The following RGPD3 variants were observed in gnomAD, a reference collection of about 807,000 sequenced individuals.
RGPD3 encodes the protein RANBP2 like and GRIP domain containing 3.
RGPD3 carries 62 observed loss-of-function variants against 154.5 expected under a neutral mutation model. That is an observed-to-expected ratio of 0.40 (90% confidence interval 0.33 to 0.50). RGPD3 has a LOEUF of 0.50. Ranked by LOEUF, RGPD3 falls within the 20% of genes least tolerant of loss-of-function variation. The pLI is 0.59. For synonymous variants in RGPD3, 308 were observed against 607.0 expected (o/e 0.51, Z 7.24); for missense variants, 919 against 1,716.8 (o/e 0.54, Z 8.21).
intron 22 of RGPD3, among the ~76,000 whole-genome samples, chr2:106,409,871 C>CT (rs57602292): frequency 0.21 from 19,820 of 94,386 alleles, 2,788 homozygotes; most frequent in African/African-American, 0.32. Context: ...TTGTAGTTTA[C>CT]TTTTTTTTTT....
At chr2:106,465,998 A>T (rs1356240569) in intron 1 of RGPD3, among the ~76,000 whole-genome samples, 1 of 151,726 alleles carries the variant, frequency 6.6e-6, no homozygotes, top group Non-Finnish European at 1.5e-5. Context: ...CAGGCCAAGG[A>T]GGTATGACCT....
chr2:106,441,577 G>A lies in RGPD3; in HGVS notation c.979-197C>T, dbSNP rs532731533. 2.0e-4 allele frequency among the ~76,000 whole-genome samples: 31 copies of A among 151,712 alleles called. No individual in the cohort carries two copies. In the East Asian group the frequency reaches 2.9e-3, roughly 14 times the overall value. ...TATGAAAGATAGGCCAGGTACAGGC[G>A]TGGTGGCTCACACCTGTAATCCCAA... On this transcript the variant is annotated intron_variant, in intron 7 of 22. Transcript: ENST00000409886.
intron 22 of RGPD3, among the ~76,000 whole-genome samples, chr2:106,409,302 C>T (rs1676600196): frequency 6.6e-6 from 1 of 152,080 alleles, no homozygotes; most frequent in South Asian, 2.1e-4. Flanking sequence ...GACTGACAGT[C>T]CATATCTGTA....
intron 7 of RGPD3, among the ~76,000 whole-genome samples, chr2:106,441,717 G>C (rs1295879151): frequency 6.6e-6 from 1 of 150,994 alleles, no homozygotes; most frequent in African/African-American, 2.4e-5. Flanking sequence ...AAAACAAAGA[G>C]CCAGGCGTGG....
rs772584262 is a variant in RGPD3, at chr2:106,411,749, A to C, written c.5266+1335T>G. ...AGGAGAATCGCTTGAATCTGGGAGG[A>C]GGAGGTTGCAGTGAGCCATGATCGG... is the stretch of plus-strand genomic sequence containing the variant. On this transcript the variant is annotated intron_variant, in intron 22 of 22. Transcript: ENST00000409886. Among the ~76,000 whole-genome samples the C allele has an allele frequency of 8.2e-4, 124 of 152,078 alleles. 1 individual carries two copies. The highest frequency in any genetic ancestry group is 5.0e-3 in the Admixed American group (76 of 15,236).
intron 21 of RGPD3, among the ~76,000 whole-genome samples, chr2:106,413,602 C>G (rs544608704): frequency 3.3e-5 from 5 of 152,314 alleles, no homozygotes; most frequent in African/African-American, 1.2e-4. Context: ...CTGTCCTAAG[C>G]TATTTGGGGT....
At chr2:106,409,834 A>T (rs1573236966) in intron 22 of RGPD3, among the ~76,000 whole-genome samples, 1 of 116,016 alleles carries the variant, frequency 8.6e-6, no homozygotes, top group South Asian at 2.8e-4. Flanking sequence ...CCCATGCTGA[A>T]TTCTGTGTAA....
At chr2:106,434,205 A>G (rs760679983) in intron 15 of RGPD3, 23 bp downstream of exon 15, 4 of 1,587,630 alleles carry the variant, frequency 2.5e-6, no homozygotes, top group Non-Finnish European at 3.4e-6. Flanking sequence ...GTAAGAACGT[A>G]CATACAACAA....
At chr2:106,446,169 T>C (rs1677918435) in intron 7 of RGPD3, among the ~76,000 whole-genome samples, 1 of 120,664 alleles carries the variant, frequency 8.3e-6, no homozygotes, top group Non-Finnish European at 1.7e-5. Flanking sequence ...AAGCAAAAAA[T>C]CCTTCTCTAA....
At chr2:106,463,399 C>T (rs370780193) in intron 1 of RGPD3, among the ~76,000 whole-genome samples, 14 of 152,170 alleles carry the variant, frequency 9.2e-5, no homozygotes, top group African/African-American at 2.2e-4. Context: ...CACTTGAACC[C>T]GGGAGGCGGA....
At chr2:106,465,280 A>C (rs1490027061) in intron 1 of RGPD3, among the ~76,000 whole-genome samples, 1 of 152,160 alleles carries the variant, frequency 6.6e-6, no homozygotes, top group Non-Finnish European at 1.5e-5. Context: ...ACTTCACAGA[A>C]TAGCTTCACA....
intron 6 of RGPD3, among the ~76,000 whole-genome samples, chr2:106,449,927 G>A (rs1394597040): frequency 5.5e-4 from 83 of 151,806 alleles, no homozygotes; most frequent in Admixed American, 1.9e-3. Flanking sequence ...TGAGGCAGGA[G>A]AATGGCGTGA....
upstream of RGPD3, among the ~76,000 whole-genome samples, chr2:106,469,866 C>T (rs1325666954): frequency 6.6e-6 from 1 of 152,184 alleles, no homozygotes; most frequent in Non-Finnish European, 1.5e-5. Context: ...CCAAAATACA[C>T]CTATTTACCA....
Position 106,434,213 on chromosome 2 carries a change from C to T in RGPD3, c.2205+15G>A. On this transcript the variant is annotated intron_variant, in intron 15 of 22. Transcript: ENST00000409886. ...GTTATCAGTAAGAACGTACATACAACAACCTGCTACTTACTTTCTTGACCA... is the reference window on the plus strand; with the variant it reads ...GTTATCAGTAAGAACGTACATACAATAACCTGCTACTTACTTTCTTGACCA... 1.9e-6 allele frequency: 3 copies of T among 1,587,382 alleles called. No individual in the cohort carries two copies. The highest frequency in any genetic ancestry group is 2.3e-4 in the Middle Eastern group (1 of 4,304).
At chr2:106,445,431 T>C (rs1221565220) in intron 7 of RGPD3, among the ~76,000 whole-genome samples, 2 of 150,044 alleles carry the variant, frequency 1.3e-5, no homozygotes, top group Admixed American at 1.3e-4. Flanking sequence ...AACACAGAAG[T>C]TTCTACTGAG....
At chr2:106,445,238 G>A (rs1198436281) in intron 7 of RGPD3, among the ~76,000 whole-genome samples, 56 of 147,228 alleles carry the variant, frequency 3.8e-4, no homozygotes, top group Middle Eastern at 7.0e-3. Context: ...GCAGTGAGCC[G>A]AGGTCGTGCC....
intron 9 of RGPD3, among the ~76,000 whole-genome samples, chr2:106,437,369 G>A (rs1019355570): frequency 2.9e-5 from 4 of 140,034 alleles, no homozygotes; most frequent in African/African-American, 8.2e-5. Context: ...AAAATTAGCC[G>A]AGCACGGTGT....
chr2:106,428,667 T>A (rs986260461), intron 18 of RGPD3, among the ~76,000 whole-genome samples: 2 of 151,864 alleles, frequency 1.3e-5, no homozygotes, highest in African/African-American at 4.8e-5. Context: ...TTATTCTAAA[T>A]CTTTCCTGGG....
intron 6 of RGPD3, among the ~76,000 whole-genome samples, chr2:106,449,755 T>A (rs1409589737): frequency 6.6e-6 from 1 of 150,722 alleles, no homozygotes; most frequent in Non-Finnish European, 1.5e-5. Flanking sequence ...CGGTGGCTCA[T>A]GCCTGTAATC....
Sources: gnomAD v4.1 joint callset for allele counts (sites outside exome capture counted in the v4.1 genomes callset) on GRCh38, gnomAD v4.1.1 for gene constraint, MANE v1.5 for transcripts, NCBI Gene and HGNC (gene_info 2026-07-23, HGNC 2026-07-21) for gene names.